NRIP3: variants seen among roughly 807,000 people sequenced by gnomAD.
NRIP3 encodes nuclear receptor interacting protein 3.
In NRIP3, 31 loss-of-function variants were observed where a neutral mutation model predicts 29.0. The observed-to-expected ratio is 1.07, with a 90% CI of 0.80 to 1.44. The LOEUF is 1.44. Among genes scored for constraint, NRIP3 ranks in the 40% most tolerant of loss-of-function variants. NRIP3 has a pLI of 0.00. For missense variants in NRIP3, 314 were observed against 297.9 expected, an observed-to-expected ratio of 1.05 and a Z score of -0.40; for synonymous variants, 131 against 118.3, an observed-to-expected ratio of 1.11 and a Z score of -0.70.
intron 4 of NRIP3, among the ~76,000 whole-genome samples, chr11:8,984,774 C>G (rs1414599990): frequency 6.9e-6 from 1 of 145,076 alleles, no homozygotes; most frequent in East Asian, 1.9e-4. Context: ...GTAAGTTGCT[C>G]TCTGTCTCTA....
In NRIP3 at chr11:8,981,824, A is replaced by G. The variant is rs1370038877; in HGVS notation, c.*1721T>C. 1 of 152,162 alleles carries G rather than the reference A, an allele frequency of 6.6e-6. No individual in the cohort carries two copies. Among genetic ancestry groups the G allele is most frequent in the South Asian group, 2.1e-4 (1 of 4,830 alleles). The allele number at this position is 152,162 out of a possible 1,614,324, so 9.4% of individuals were successfully genotyped here. On this transcript the variant is annotated 3_prime_UTR_variant, in exon 7 of 7. Coordinates refer to ENST00000309166, the MANE Select transcript of NRIP3 (RefSeq NM_020645.3). ...CTTCTTTAGGTAGAGGCTGATAGGA[A>G]GGGGGCCTAGGGAATGACCCCATGA...
At chr11:8,997,355 C>CAAAAAAAAAAAA (rs11324721) in intron 1 of NRIP3, among the ~76,000 whole-genome samples, 77 of 100,730 alleles carry the variant, frequency 7.6e-4, no homozygotes, top group African/African-American at 1.0e-3. Flanking sequence ...GACTCCGTCT[C>CAAAAAAAAAAAA]AAAAAAAAAA....
Position 9,003,852 on chromosome 11 carries a change from C to T in NRIP3, c.84G>A (p.Arg28=), listed in dbSNP as rs371268274. 5 of 1,521,104 alleles carry T rather than the reference C, an allele frequency of 3.3e-6. No individual in the cohort carries two copies. Among genetic ancestry groups the T allele is most frequent in the Non-Finnish European group, 4.4e-6 (5 of 1,135,910 alleles). The allele number at this position is 1,521,104 out of a possible 1,614,324, so 94.2% of individuals were successfully genotyped here. ...GGATGAACTGCACCGCCTGCTTCAT[C>T]CGGCGCTGCTGTCGCAGTGACGCCG... ...REAASLRQQR[R]MKQAVQFIHK... Residue 28 remains arginine, a synonymous_variant, in exon 1 of 7, where the codon CGG becomes CGA. Coordinates refer to ENST00000309166, the MANE Select transcript of NRIP3 (RefSeq NM_020645.3).
intron 1 of NRIP3, among the ~76,000 whole-genome samples, chr11:9,000,869 G>A (rs1173898221): frequency 6.6e-6 from 1 of 152,108 alleles, no homozygotes; most frequent in African/African-American, 2.4e-5. Context: ...AGGAGTTCAA[G>A]ACCAGCCTGG....
upstream of NRIP3, chr11:9,004,392 C>T (rs1434229689): frequency 1.3e-5 from 2 of 153,986 alleles, no homozygotes; most frequent in Admixed American, 6.5e-5. Context: ...ACAGCCGGGC[C>T]ATGCCTCGAG....
At position 8,987,596 on chromosome 11, in the gene NRIP3, G is replaced by C. The variant is rs745765812; in HGVS notation, c.374C>G (p.Thr125Arg). The C allele has an allele frequency of 3.1e-6, 5 of 1,614,094 alleles. No individual in the cohort carries two copies. Among genetic ancestry groups the C allele is most frequent in the East Asian group, 2.2e-5 (1 of 44,886 alleles). ...AGAGATGAGATTATATAGGCAGCCT[G>C]TGTCAACCAAGGCTTTCACATCCTT... ...AGKDVKALVD[T>R]GCLYNLISLA... Residue 125 changes from threonine to arginine, a missense_variant, in exon 3 of 7, where the codon ACA becomes AGA. Thr to Arg is a moderately conservative substitution (Grantham distance 71, BLOSUM62 -1). Coordinates refer to ENST00000309166, the MANE Select transcript of NRIP3 (RefSeq NM_020645.3).
Position 8,985,728 on chromosome 11 carries a change from C to G in NRIP3, c.545G>C (p.Cys182Ser), listed in dbSNP as rs75639768. The change falls in exon 4 of 7, where the codon TGC becomes TCC. Residue 182 changes from cysteine (C) to serine (S), a missense_variant. Coordinates refer to ENST00000309166, the MANE Select transcript of NRIP3 (RefSeq NM_020645.3). ...VITLGSLRLD[C>S]PAAVVDDNEK... is the part of the protein sequence containing the mutation. ...CTGCTTACCAACCACAGCTGCTGGGCAGTCCAGGCGGAGGGAGCCCAGTGT... is the reference window on the plus strand; with the variant it reads ...CTGCTTACCAACCACAGCTGCTGGGGAGTCCAGGCGGAGGGAGCCCAGTGT... 699 of 1,613,978 alleles carry G rather than the reference C, an allele frequency of 4.3e-4. 4 individuals carry two copies. In the East Asian group the frequency reaches 0.013, roughly 30 times the overall value.
chr11:8,992,286 G>A (rs1854617044), intron 1 of NRIP3, among the ~76,000 whole-genome samples: 1 of 152,180 alleles, frequency 6.6e-6, no homozygotes, highest in Non-Finnish European at 1.5e-5. Flanking sequence ...TCTTGTAAGA[G>A]TAAATAAAAA....
chr11:8,982,829 C>CT lies in NRIP3; in HGVS notation c.*715dup, dbSNP rs35481824. 12,178 of 285,692 alleles carry CT rather than the reference C, an allele frequency of 0.043. 173 individuals are homozygous for CT. Among genetic ancestry groups the CT allele is most frequent in the African/African-American group, 0.077 (3,177 of 41,044 alleles). 17.7% of individuals were successfully genotyped at this position (285,692 alleles called of 1,614,324 possible). ...AGAGAATATTCCTCCCATGCTCTGC[C>CT]TTTTTTTTTTTTTTTTTAACACATT... On this transcript the variant is annotated 3_prime_UTR_variant, in exon 7 of 7. Coordinates refer to ENST00000309166, the MANE Select transcript of NRIP3 (RefSeq NM_020645.3).
rs1358731413 is a variant in NRIP3 at position 9,003,996 on chromosome 11, T to G, written c.-61A>C. 80 of 1,387,306 alleles carry G rather than the reference T, an allele frequency of 5.8e-5. No homozygotes were observed. The highest frequency in any genetic ancestry group is 7.5e-5 in the Non-Finnish European group (80 of 1,063,544). The allele number at this position is 1,387,306 out of a possible 1,614,324, so 85.9% of individuals were successfully genotyped here. ...CCCGGCAGCCTCAGCCTCGAGCTCC[T>G]CCAGCGCCGCAAGGGCCCCGAGCCG... On this transcript the variant is annotated 5_prime_UTR_variant, in exon 1 of 7. Coordinates refer to ENST00000309166, the MANE Select transcript of NRIP3 (RefSeq NM_020645.3).
At chr11:8,985,981 G>T in intron 3 of NRIP3, 131 bp from the exon 4 acceptor site, 1 of 1,042,510 alleles carries the variant, frequency 9.6e-7, no homozygotes, top group Non-Finnish European at 1.4e-6. Flanking sequence ...AAAAGTGCTA[G>T]CCATCCTACA....
intron 3 of NRIP3, 47 bp downstream of exon 3, chr11:8,987,501 A>G (rs770923074): frequency 7.6e-7 from 1 of 1,312,062 alleles, no homozygotes; most frequent in South Asian, 1.2e-5. Flanking sequence ...AGTCAAGCGA[A>G]GAGTACAGTC....
At chr11:8,990,714 C>T (rs535466119) in intron 1 of NRIP3, among the ~76,000 whole-genome samples, 1 of 152,252 alleles carries the variant, frequency 6.6e-6, no homozygotes, top group South Asian at 2.1e-4. Flanking sequence ...ATTGCTTGAA[C>T]CCAGGAGGCC....
At chr11:8,987,673 G>T in intron 2 of NRIP3, 43 bp from the exon 3 acceptor site, 3 of 1,447,846 alleles carry the variant, frequency 2.1e-6, no homozygotes, top group East Asian at 2.3e-5. Flanking sequence ...CCAGAGAAGC[G>T]AAAGGGAAAG....
intron 1 of NRIP3, among the ~76,000 whole-genome samples, chr11:9,000,828 G>A (rs908246873): frequency 1.3e-5 from 2 of 152,128 alleles, no homozygotes; most frequent in Non-Finnish European, 2.9e-5. Flanking sequence ...CAGCACTTTG[G>A]GAGGCTAAAG....
intron 3 of NRIP3, among the ~76,000 whole-genome samples, chr11:8,986,261 A>G (rs1365880713): frequency 6.6e-6 from 1 of 152,096 alleles, no homozygotes; most frequent in Non-Finnish European, 1.5e-5. Flanking sequence ...TCAATGTGTA[A>G]TTTTCTCATT....
At chr11:8,983,820 G>A in intron 6 of NRIP3, 55 bp downstream of exon 6, 2 of 1,434,646 alleles carry the variant, frequency 1.4e-6, no homozygotes, top group East Asian at 2.3e-5. Context: ...CCACCACCCT[G>A]CTCGCAGCTG....
chr11:9,000,821 C>A (rs374984225), intron 1 of NRIP3, among the ~76,000 whole-genome samples: 9 of 152,016 alleles, frequency 5.9e-5, no homozygotes, highest in African/African-American at 2.2e-4. Flanking sequence ...GTAATCCCAG[C>A]ACTTTGGGAG....
At position 8,982,004 on chromosome 11, in the gene NRIP3, T is replaced by C. The variant is rs1172148336; in HGVS notation, c.*1541A>G. On this transcript the variant is annotated 3_prime_UTR_variant, in exon 7 of 7. Transcript: ENST00000309166. ...CACCAGACAAGGTAGTTGGTAGTAC[T>C]TGGCAAAGTTCAAAGTGGGATCCTT... is the stretch of plus-strand genomic sequence containing the variant. 2 of 152,222 alleles carry C rather than the reference T, an allele frequency of 1.3e-5. No individual in the cohort carries two copies. The highest frequency in any genetic ancestry group is 1.9e-4 in the East Asian group (1 of 5,200). The allele number at this position is 152,222 out of a possible 1,614,324, so 9.4% of individuals were successfully genotyped here.
Sources: allele counts gnomAD v4.1 joint callset (sites outside exome capture counted in the v4.1 genomes callset), GRCh38; gene constraint gnomAD v4.1.1; transcripts MANE v1.5; gene names NCBI Gene and HGNC (gene_info 2026-07-23, HGNC 2026-07-21).